Variants in IMMP2L observed in about 807,000 individuals in gnomAD.
IMMP2L encodes inner mitochondrial membrane peptidase subunit 2.
A neutral mutation model predicts 19.3 loss-of-function variants in IMMP2L; 18 were observed. The observed-to-expected ratio is 0.93, with a 90% CI of 0.64 to 1.38. The LOEUF (loss-of-function observed/expected upper bound fraction) is 1.38. Ranked by LOEUF, IMMP2L falls within the 40% of genes most tolerant of loss-of-function variation. IMMP2L has a pLI of 0.00. For missense variants in IMMP2L, 233 were observed against 218.2 expected (o/e 1.07, Z -0.43); for synonymous variants, 76 against 73.0 (o/e 1.04, Z -0.21).
At chr7:111,058,317 T>C (rs994391526) in intron 3 of IMMP2L, among the ~76,000 whole-genome samples, 16 of 152,204 alleles carry the variant, frequency 1.1e-4, no homozygotes, top group African/African-American at 3.6e-4. Context: ...TGTACTGTTA[T>C]TACAAAATTA....
At chr7:111,110,857 G>A (rs111390784) in intron 3 of IMMP2L, among the ~76,000 whole-genome samples, 5 of 152,072 alleles carry the variant, frequency 3.3e-5, no homozygotes. Context: ...AAATTTAAGG[G>A]ATTCCAGATC....
At chr7:111,171,346 G>A (rs559886128) in intron 3 of IMMP2L, among the ~76,000 whole-genome samples, 398 of 151,758 alleles carry the variant, frequency 2.6e-3, no homozygotes, top group Non-Finnish European at 4.0e-3. Context: ...CACTAGGGTA[G>A]CATAAAATCA....
chr7:111,159,095 C>T (rs997720853), intron 3 of IMMP2L, among the ~76,000 whole-genome samples: 2 of 152,012 alleles, frequency 1.3e-5, no homozygotes, highest in African/African-American at 2.4e-5. Flanking sequence ...AGGGTATTTT[C>T]GGTTCAAGTT....
rs560389031 is a variant in IMMP2L at position 110,916,055 on chromosome 7, T to A, written c.306-29360A>T. Among the ~76,000 whole-genome samples, 3 of 152,330 alleles carry A rather than the reference T, an allele frequency of 2.0e-5. No homozygotes were observed. In the South Asian group the frequency reaches 6.2e-4, roughly 32 times the overall value. ...ATTAAAAGGCTCACGTCACATTGAATGGCCACATCTACATCCTTGATATGG... is the reference window on the plus strand; with the variant it reads ...ATTAAAAGGCTCACGTCACATTGAAAGGCCACATCTACATCCTTGATATGG... On this transcript the variant is annotated intron_variant, in intron 4 of 5. Transcript: ENST00000405709.
intron 3 of IMMP2L, among the ~76,000 whole-genome samples, chr7:111,378,127 GT>G (rs1358036671): frequency 1.3e-5 from 2 of 151,736 alleles, no homozygotes; most frequent in African/African-American, 2.4e-5. Context: ...ATCAATTTTT[GT>G]TTACAATGTA....
intron 5 of IMMP2L, among the ~76,000 whole-genome samples, chr7:110,679,944 G>C (rs1484247841): frequency 6.6e-6 from 1 of 152,152 alleles, no homozygotes; most frequent in East Asian, 1.9e-4. Flanking sequence ...TTTTTAAAGA[G>C]AGACTAACAT....
chr7:110,729,134 C>T (rs1361856094), intron 5 of IMMP2L, among the ~76,000 whole-genome samples: 1 of 152,132 alleles, frequency 6.6e-6, no homozygotes, highest in African/African-American at 2.4e-5. Context: ...CTGCCCGCCT[C>T]AGCCTCCCAA....
At chr7:110,859,364 C>A (rs111374652) in intron 5 of IMMP2L, among the ~76,000 whole-genome samples, 1 of 151,438 alleles carries the variant, frequency 6.6e-6, no homozygotes, top group African/African-American at 2.4e-5. Context: ...TTAGGAATTC[C>A]GATAAAGACA....
At chr7:111,238,435 G>A (rs111560841) in intron 3 of IMMP2L, among the ~76,000 whole-genome samples, 8,180 of 151,960 alleles carry the variant, frequency 0.054, 262 homozygotes, top group South Asian at 0.082. Context: ...CTGACAATAC[G>A]ATGTATCACT....
At chr7:111,216,445 A>G (rs1586873815) in intron 3 of IMMP2L, among the ~76,000 whole-genome samples, 1 of 152,300 alleles carries the variant, frequency 6.6e-6, no homozygotes, top group South Asian at 2.1e-4. Flanking sequence ...TGGCGTACAA[A>G]GTGATGTTAT....
chr7:110,813,794 T>C (rs1414219552), intron 5 of IMMP2L, among the ~76,000 whole-genome samples: 2 of 151,770 alleles, frequency 1.3e-5, no homozygotes, highest in Non-Finnish European at 2.9e-5. Flanking sequence ...ACTAATTTAA[T>C]ATTTATTAAC....
rs1795987483 is a variant in IMMP2L at position 110,727,640 on chromosome 7, C to G, written c.409-63919G>C. The stretch of plus-strand genomic sequence containing the variant: ...TTTCCCCACTGCAGGTTTCCTGCCT[C>G]AAGGAGAGAAGCTTTAACTTTAAAA... On this transcript the variant is annotated intron_variant, in intron 5 of 5. Transcript: ENST00000405709. This position sits in a 1 kb window ranked among gnomAD's most constrained non-coding sequence, Gnocchi z 4.3. Among the ~76,000 whole-genome samples, 1 of 151,722 alleles carries G rather than the reference C, an allele frequency of 6.6e-6. No individual in the cohort carries two copies. The highest frequency in any genetic ancestry group is 1.9e-4 in the East Asian group (1 of 5,132).
At chr7:111,486,357 T>A (rs932857522) in intron 3 of IMMP2L, among the ~76,000 whole-genome samples, 13 of 152,024 alleles carry the variant, frequency 8.6e-5, no homozygotes, top group African/African-American at 3.1e-4. Flanking sequence ...TAAATTACCA[T>A]CCAACAAGAA....
Position 110,973,190 on chromosome 7 carries a change from C to A in IMMP2L, c.240-9625G>T, listed in dbSNP as rs138289649. Among the ~76,000 whole-genome samples the A allele has an allele frequency of 3.7e-4, 57 of 152,032 alleles. No individual in the cohort carries two copies. The East Asian group carries it at 0.01, about 28-fold the overall frequency. Reference sequence around the variant, plus strand: ...CTTCAATGTTCTCACCATATACACACAAAAAGATAAATATATGAGGAAATG... The same window carrying A: ...CTTCAATGTTCTCACCATATACACAAAAAAAGATAAATATATGAGGAAATG... On this transcript the variant is annotated intron_variant, in intron 3 of 5. Coordinates refer to ENST00000405709, the MANE Select transcript of IMMP2L (RefSeq NM_032549.4).
intron 3 of IMMP2L, among the ~76,000 whole-genome samples, chr7:111,013,829 T>G (rs1691615124): frequency 6.6e-6 from 1 of 152,194 alleles, no homozygotes; most frequent in African/African-American, 2.4e-5. Flanking sequence ...TGCTTATTTT[T>G]TTTTTCTTTT....
chr7:111,298,115 T>G (rs1347744649), intron 3 of IMMP2L, among the ~76,000 whole-genome samples: 1 of 152,100 alleles, frequency 6.6e-6, no homozygotes, highest in East Asian at 1.9e-4. Flanking sequence ...CAAGTAGCAA[T>G]TAAAGATTAT....
In IMMP2L at chr7:110,896,641, AGGTATTTTCGTATGTT is replaced by A. The variant is rs1554451004; in HGVS notation, c.306-9962_306-9947del. Among the ~76,000 whole-genome samples the A allele has an allele frequency of 8.1e-5, 12 of 148,820 alleles. 4 individuals carry two copies. Among genetic ancestry groups the A allele is most frequent in the Non-Finnish European group, 1.2e-4 (8 of 67,534 alleles). On this transcript the variant is annotated intron_variant, in intron 4 of 5. Coordinates refer to ENST00000405709, the MANE Select transcript of IMMP2L (RefSeq NM_032549.4). ...AAAAATTTTTAATTTCAAAATACTG[AGGTATTTTCGTATGTT>A]ATTTTACATATAATTGGTATTATTG...
chr7:111,383,117 A>G (rs1247897032), intron 3 of IMMP2L, among the ~76,000 whole-genome samples: 1 of 152,094 alleles, frequency 6.6e-6, no homozygotes, highest in African/African-American at 2.4e-5. Context: ...GGGAACCCAC[A>G]TATCTCTCTA....
intron 3 of IMMP2L, among the ~76,000 whole-genome samples, chr7:111,221,788 A>G (rs1028966647): frequency 6.6e-6 from 1 of 152,048 alleles, no homozygotes; most frequent in Non-Finnish European, 1.5e-5. Flanking sequence ...AGAGCCAAGA[A>G]TAACAATGAT....
Sources: gnomAD v4.1 joint callset for allele counts (sites outside exome capture counted in the v4.1 genomes callset) on GRCh38, gnomAD v4.1.1 for gene constraint, Gnocchi (gnomAD v3.1) non-coding constraint, MANE v1.5 for transcripts, NCBI Gene and HGNC (gene_info 2026-07-23, HGNC 2026-07-21) for gene names.